DNAJC13: variants seen among roughly 807,000 people sequenced by gnomAD.
The protein encoded by DNAJC13 is DnaJ heat shock protein family (Hsp40) member C13.
Under a neutral mutation model 290.5 loss-of-function variants are expected in DNAJC13, and 75 were observed. That is an observed-to-expected ratio of 0.26 (90% CI 0.21 to 0.31). The LOEUF (loss-of-function observed/expected upper bound fraction) is 0.31, where lower values mean the gene tolerates loss of function less well. Ranked by LOEUF, DNAJC13 falls within the 10% of genes least tolerant of loss-of-function variation. The pLI is 1.00. For synonymous variants in DNAJC13, 862 were observed against 892.0 expected, an observed-to-expected ratio of 0.97 and a Z score of 0.60; for missense variants, 2,260 against 2,674.5, an observed-to-expected ratio of 0.85 and a Z score of 3.42.
At chr3:132,427,133 A>ATT (rs35154589) in intron 1 of DNAJC13, among the ~76,000 whole-genome samples, 3,702 of 122,104 alleles carry the variant, frequency 0.03, 215 homozygotes, top group African/African-American at 0.11. Context: ...ATATATATAT[A>ATT]TTTTTTTTTT....
chr3:132,482,247 C>A lies in DNAJC13; in HGVS notation c.2896C>A (p.Pro966Thr). ...TTAGAGCAATGTAATTGAAGCTGCT[C>A]CAGATATGAAAAGAGAGAGTGAAAA... is the stretch of plus-strand genomic sequence containing the variant. The part of the protein sequence containing the change: ...PLQSNVIEAA[P>T]DMKRESEKEW... The change falls in exon 27 of 56, where the codon CCA becomes ACA. Residue 966 changes from proline (P) to threonine (T), a missense_variant. Transcript: ENST00000260818. 2 of 1,613,330 alleles carry A rather than the reference C, an allele frequency of 1.2e-6. No homozygotes were observed. The highest frequency in any genetic ancestry group is 2.2e-5 in the South Asian group (2 of 91,014).
In DNAJC13 at chr3:132,457,316, G is replaced by T. The variant is rs1334008200; in HGVS notation, c.1397G>T (p.Ser466Ile). 8 of 1,613,448 alleles carry T rather than the reference G, an allele frequency of 5.0e-6. No homozygotes were observed. The highest frequency in any genetic ancestry group is 6.8e-6 in the Non-Finnish European group (8 of 1,179,682). The change falls in exon 13 of 56, where the codon AGC (serine) becomes ATC (isoleucine). Residue 466 changes from serine to isoleucine, a missense_variant. By Grantham distance (142) the Ser-to-Ile change is moderately radical. Transcript: ENST00000260818. Reference sequence around the variant, plus strand: ...AAGGTAGTAAAAGCACTCAAAAGAAGCAACAACGGAATAATCCATGCAGCA... The same window carrying T: ...AAGGTAGTAAAAGCACTCAAAAGAATCAACAACGGAATAATCCATGCAGCA... ...GVKVVKALKR[S>I]NNGIIHAAVD...
intron 1 of DNAJC13, among the ~76,000 whole-genome samples, chr3:132,418,697 T>C (rs1387218540): frequency 6.6e-6 from 1 of 152,218 alleles, no homozygotes; most frequent in African/African-American, 2.4e-5. Flanking sequence ...TGTACAGTTA[T>C]GTTGAGCCTT....
rs1186925615 is a variant in DNAJC13 at position 132,456,414 on chromosome 3, T to G, written c.1099+13T>G. The G allele has an allele frequency of 1.2e-6, 2 of 1,611,016 alleles. No homozygotes were observed. The highest frequency in any genetic ancestry group is 2.7e-5 in the African/African-American group (2 of 74,646). ...GCTACGCCTCCAAGTAAGTATTGAT[T>G]TAAATGTAATTACATTTCCACTCAT... On this transcript the variant is annotated intron_variant, in intron 10 of 55. Coordinates refer to ENST00000260818, the MANE Select transcript of DNAJC13 (RefSeq NM_015268.4).
In DNAJC13 at chr3:132,499,225, T is replaced by G; in HGVS notation, c.4256T>G (p.Leu1419Trp). The G allele has an allele frequency of 6.2e-7, 1 of 1,614,064 alleles. No individual in the cohort carries two copies. Among genetic ancestry groups the G allele is most frequent in the Non-Finnish European group, 8.5e-7 (1 of 1,179,906 alleles). Residue 1419 changes from leucine to tryptophan, a missense_variant, in exon 37 of 56, where the codon TTG becomes TGG. Leu to Trp is a moderately conservative substitution (Grantham distance 61). Coordinates refer to ENST00000260818, the MANE Select transcript of DNAJC13 (RefSeq NM_015268.4). ...CTTTTCTCAAAAGAATCACCATTGT[T>G]GCCTGCGGCTACAGAGCTAGCTTTC... ...DLLFSKESPLLPAATELAFHT... is the reference protein window; with the variant it reads ...DLLFSKESPLWPAATELAFHT...
intron 37 of DNAJC13, 141 bp downstream of exon 37, chr3:132,499,451 C>G: frequency 1.2e-6 from 1 of 811,572 alleles, no homozygotes; most frequent in Non-Finnish European, 1.8e-6. Context: ...TATTCTTATA[C>G]CAAATTAAAG....
At chr3:132,487,422 A>C (rs1934913098) in intron 29 of DNAJC13, among the ~76,000 whole-genome samples, 1 of 149,262 alleles carries the variant, frequency 6.7e-6, no homozygotes, top group Admixed American at 6.6e-5. Context: ...ATGCCCGGCT[A>C]ATTTTTTGTA....
At chr3:132,488,820 C>G (rs1378758836) in intron 30 of DNAJC13, among the ~76,000 whole-genome samples, 156 bp from the exon 31 acceptor site, 1 of 151,890 alleles carries the variant, frequency 6.6e-6, no homozygotes, top group East Asian at 1.9e-4. Flanking sequence ...TAAGTTCTTG[C>G]CTTATTCAGA....
At chr3:132,471,312 C>A (rs951503515) in intron 20 of DNAJC13, among the ~76,000 whole-genome samples, 1 of 146,092 alleles carries the variant, frequency 6.8e-6, no homozygotes, top group African/African-American at 2.5e-5. Context: ...CCACCTCCCT[C>A]CCGGACGGGG....
At chr3:132,491,882 T>C (rs1935067838) in intron 32 of DNAJC13, among the ~76,000 whole-genome samples, 2 of 152,134 alleles carry the variant, frequency 1.3e-5, no homozygotes, top group Admixed American at 6.6e-5. Flanking sequence ...ATATTTTTCA[T>C]TGGGAAAAAA....
At chr3:132,471,217 G>A (rs1462570459) in intron 20 of DNAJC13, among the ~76,000 whole-genome samples, 21 of 122,372 alleles carry the variant, frequency 1.7e-4, no homozygotes, top group Admixed American at 3.9e-4. Context: ...CTCACCTCCC[G>A]GACGGGGCGG....
intron 34 of DNAJC13, among the ~76,000 whole-genome samples, chr3:132,494,519 A>G (rs1421203984): frequency 6.6e-6 from 1 of 152,160 alleles, no homozygotes. Context: ...ATCTGGCACC[A>G]TATCTGACAC....
At position 132,477,657 on chromosome 3, in the gene DNAJC13, T is replaced by C. The variant is rs955801789; in HGVS notation, c.2446-132T>C. On this transcript the variant is annotated intron_variant, in intron 22 of 55. Coordinates refer to ENST00000260818, the MANE Select transcript of DNAJC13 (RefSeq NM_015268.4). ...TCTCAGCATTTAGCTAAAATAGTCA[T>C]GTTAACAATATTGAATTAACAGGTA... is the stretch of plus-strand genomic sequence containing the variant. The C allele has an allele frequency of 1.1e-5, 7 of 633,832 alleles. No homozygotes were observed. The Admixed American group carries it at 1.6e-4, about 14-fold the overall frequency. The allele number at this position is 633,832 out of a possible 1,614,324, so 39.3% of individuals were successfully genotyped here. A position where few individuals can be genotyped will look rare whatever the true frequency, so the allele number is the denominator to read the frequency against.
At chr3:132,503,561 C>T (rs1191649663) in intron 41 of DNAJC13, among the ~76,000 whole-genome samples, 180 bp downstream of exon 41, 1 of 152,168 alleles carries the variant, frequency 6.6e-6, no homozygotes, top group Non-Finnish European at 1.5e-5. Flanking sequence ...TTCTACAAGT[C>T]CAGTTTTTGC....
chr3:132,526,365 T>TC, intron 53 of DNAJC13, 84 bp downstream of exon 53: 1 of 1,549,998 alleles, frequency 6.5e-7, no homozygotes, highest in East Asian at 2.3e-5. Flanking sequence ...TGATTTGGTT[T>TC]CCTTGACTTA....
At position 132,487,535 on chromosome 3, in the gene DNAJC13, C is replaced by T. The variant is rs560125023; in HGVS notation, c.3268-763C>T. 2.4e-3 allele frequency among the ~76,000 whole-genome samples: 320 copies of T among 133,750 alleles called. 1 individual carries two copies. The highest frequency in any genetic ancestry group is 0.011 in the African/African-American group (305 of 26,954). 87.7% of individuals were successfully genotyped at this position (133,750 alleles called of 152,430 possible). Reference sequence around the variant, plus strand: ...GCCCCCAAAGTGCTGGGATTACAGGCGTGAGCCACCATGCCTGGCTGTAAT... The same window carrying T: ...GCCCCCAAAGTGCTGGGATTACAGGTGTGAGCCACCATGCCTGGCTGTAAT... On this transcript the variant is annotated intron_variant, in intron 29 of 55. Coordinates refer to ENST00000260818, the MANE Select transcript of DNAJC13 (RefSeq NM_015268.4).
intron 41 of DNAJC13, 88 bp from the exon 42 acceptor site, chr3:132,505,214 G>C: frequency 1.3e-6 from 1 of 769,146 alleles, no homozygotes; most frequent in East Asian, 2.6e-5. Flanking sequence ...CTATTATAGT[G>C]TTTGGCCTAT....
chr3:132,503,932 A>G (rs1259660310), intron 41 of DNAJC13, among the ~76,000 whole-genome samples: 1 of 152,156 alleles, frequency 6.6e-6, no homozygotes, highest in East Asian at 1.9e-4. Context: ...AAAGAATTTG[A>G]TAAACTATAG....
chr3:132,427,400 G>A (rs570137086), intron 1 of DNAJC13, among the ~76,000 whole-genome samples: 61 of 152,228 alleles, frequency 4.0e-4, no homozygotes, highest in South Asian at 2.9e-3. Context: ...GCCTCCCAAA[G>A]TGCTGGGACT....
Sources: gnomAD v4.1 joint callset for allele counts (sites outside exome capture counted in the v4.1 genomes callset) on GRCh38, gnomAD v4.1.1 for gene constraint, MANE v1.5 for transcripts, NCBI Gene and HGNC (gene_info 2026-07-23, HGNC 2026-07-21) for gene names.